Variants in DTNB observed in about 807,000 individuals in gnomAD.
DTNB encodes dystrobrevin beta, also known as DTN-B.
Under a neutral mutation model 90.7 loss-of-function variants are expected in DTNB, and 63 were observed. That is an observed-to-expected ratio of 0.69 (90% CI 0.57 to 0.86). The LOEUF is 0.86. Among genes scored for constraint, DTNB ranks in the 40% least tolerant of loss-of-function variants. The probability of loss-of-function intolerance (pLI) is 0.00; values close to 1 mark genes in which losing one functional copy is unlikely to be tolerated. For missense variants in DTNB, 744 were observed against 807.1 expected (o/e 0.92, Z 0.95); for synonymous variants, 277 against 286.7 (o/e 0.97, Z 0.34).
At position 25,592,629 on chromosome 2, in the gene DTNB, G is replaced by A. The variant is rs1024930279; in HGVS notation, c.603+3457C>T. 6.6e-5 allele frequency among the ~76,000 whole-genome samples: 10 copies of A among 151,852 alleles called. No homozygotes were observed. In the East Asian group the frequency reaches 7.7e-4, roughly 12 times the overall value. ...TAAAACTATATTAAAATAAACCAAT[G>A]TGTAATTCTCTTCATATCATTAAAA... On this transcript the variant is annotated intron_variant, in intron 6 of 20. Transcript: ENST00000406818.
At chr2:25,573,729 G>C (rs1166089644) in intron 8 of DTNB, among the ~76,000 whole-genome samples, 2 of 152,092 alleles carry the variant, frequency 1.3e-5, no homozygotes, top group African/African-American at 4.8e-5. Context: ...TATAACATGG[G>C]TTTCTGACTT....
intron 4 of DTNB, among the ~76,000 whole-genome samples, chr2:25,614,383 A>G (rs1254623037): frequency 1.3e-5 from 2 of 152,170 alleles, no homozygotes; most frequent in African/African-American, 4.8e-5. Flanking sequence ...AAGAAATAAA[A>G]CTGTGTCCAT....
chr2:25,624,587 G>C (rs2073688320), intron 4 of DTNB, among the ~76,000 whole-genome samples: 1 of 152,184 alleles, frequency 6.6e-6, no homozygotes, highest in South Asian at 2.1e-4. Context: ...TACACATGTT[G>C]TTATGAAAAG....
chr2:25,544,286 C>T (rs2081982677), intron 8 of DTNB, among the ~76,000 whole-genome samples: 1 of 152,184 alleles, frequency 6.6e-6, no homozygotes, highest in Admixed American at 6.5e-5. Context: ...TTGTTTTCCT[C>T]GGATAACCAT....
chr2:25,630,859 A>AG (rs1232679563), intron 3 of DTNB, among the ~76,000 whole-genome samples: 4 of 151,204 alleles, frequency 2.6e-5, no homozygotes, highest in African/African-American at 9.7e-5. Context: ...AAAAAAAAAA[A>AG]AAAAAAAAGG....
intron 16 of DTNB, chr2:25,419,269 C>T (rs2048714763): frequency 5.0e-6 from 3 of 598,348 alleles, no homozygotes; most frequent in Non-Finnish European, 9.0e-6. Context: ...ATCATGCACA[C>T]TTCAATGCGC....
chr2:25,379,425 G>A (rs1236102717), intron 19 of DTNB, 102 bp from the exon 20 acceptor site: 3 of 1,243,446 alleles, frequency 2.4e-6, no homozygotes, highest in Admixed American at 8.2e-5. Context: ...CACCCCAGGG[G>A]CTTCCTTGCT....
chr2:25,531,131 C>T (rs980702454), intron 9 of DTNB, among the ~76,000 whole-genome samples: 1 of 152,136 alleles, frequency 6.6e-6, no homozygotes, highest in Admixed American at 6.6e-5. Flanking sequence ...ATGGGCATTA[C>T]TGCTATAGAG....
chr2:25,499,839 G>T (rs2070049386), intron 9 of DTNB, among the ~76,000 whole-genome samples: 1 of 152,102 alleles, frequency 6.6e-6, no homozygotes, highest in South Asian at 2.1e-4. Flanking sequence ...ACAAATATTA[G>T]TTCAATTATG....
intron 16 of DTNB, 90 bp downstream of exon 16, chr2:25,419,425 T>C (rs17745893): frequency 0.1 from 154,671 of 1,539,056 alleles, 8,693 homozygotes; most frequent in Middle Eastern, 0.16. Context: ...AGAGATGATG[T>C]GCGGGGAGAA....
intron 6 of DTNB, among the ~76,000 whole-genome samples, chr2:25,595,669 T>C (rs2064439295): frequency 6.6e-6 from 1 of 152,132 alleles, no homozygotes; most frequent in Non-Finnish European, 1.5e-5. Context: ...CCTTGAGGGA[T>C]TTTATGCTGG....
chr2:25,391,448 G>C (rs1455577839), intron 16 of DTNB, among the ~76,000 whole-genome samples: 1 of 152,118 alleles, frequency 6.6e-6, no homozygotes, highest in Non-Finnish European at 1.5e-5. Flanking sequence ...CAAAGGATCT[G>C]AATAGACATT....
chr2:25,608,217 C>T (rs2067573829), intron 4 of DTNB, among the ~76,000 whole-genome samples: 1 of 152,156 alleles, frequency 6.6e-6, no homozygotes, highest in South Asian at 2.1e-4. Context: ...ATAATGAGAG[C>T]TATACCTTCT....
At chr2:25,421,913 C>A (rs981959957) in intron 15 of DTNB, among the ~76,000 whole-genome samples, 1 of 152,212 alleles carries the variant, frequency 6.6e-6, no homozygotes, top group Non-Finnish European at 1.5e-5. Flanking sequence ...GGCAGGGCAG[C>A]GCTTCCAGGA....
intron 16 of DTNB, among the ~76,000 whole-genome samples, chr2:25,395,177 T>C (rs897567856): frequency 2.0e-5 from 3 of 152,128 alleles, no homozygotes; most frequent in Non-Finnish European, 2.9e-5. Flanking sequence ...GGAGCTTAGC[T>C]ATGAGGACAC....
chr2:25,596,033 G>A (rs1197939799), intron 6 of DTNB, 53 bp downstream of exon 6: 2 of 1,460,978 alleles, frequency 1.4e-6, no homozygotes, highest in African/African-American at 1.5e-5. Flanking sequence ...GTTAGAAGGT[G>A]AAGGGAGGGA....
intron 8 of DTNB, among the ~76,000 whole-genome samples, chr2:25,551,681 CTT>C (rs1316192176): frequency 6.6e-6 from 1 of 152,206 alleles, no homozygotes; most frequent in Non-Finnish European, 1.5e-5. Flanking sequence ...ATTAATCTAA[CTT>C]AATGTCTTAC....
At chr2:25,640,353 C>T (rs1177713343) in intron 2 of DTNB, among the ~76,000 whole-genome samples, 2 of 151,870 alleles carry the variant, frequency 1.3e-5, no homozygotes, top group Admixed American at 6.6e-5. Flanking sequence ...TATTTATAGG[C>T]ATCTCTCATT....
At chr2:25,378,775 G>A (rs540999995) in intron 20 of DTNB, among the ~76,000 whole-genome samples, 11 of 152,322 alleles carry the variant, frequency 7.2e-5, no homozygotes, top group Admixed American at 2.0e-4. Context: ...CAGCTTGGCC[G>A]GGCACCATGG....
Sources: allele counts gnomAD v4.1 joint callset (sites outside exome capture counted in the v4.1 genomes callset), GRCh38; gene constraint gnomAD v4.1.1; transcripts MANE v1.5; gene names NCBI Gene and HGNC (gene_info 2026-07-23, HGNC 2026-07-21).